Variants in ROR1 observed in about 807,000 individuals in gnomAD.
ROR1 encodes ROR family WNT receptor 1, also known as inactive tyrosine-protein kinase transmembrane receptor ROR1.
Under a neutral mutation model 78.8 loss-of-function variants are expected in ROR1, and 19 were observed. The ratio of observed to expected loss-of-function variants is 0.24; its 90% CI spans 0.17 to 0.35. The LOEUF (loss-of-function observed/expected upper bound fraction) is 0.35, where lower values mean the gene tolerates loss of function less well. Among genes scored for constraint, ROR1 ranks in the 10% least tolerant of loss-of-function variants. The pLI, the probability that ROR1 is intolerant of heterozygous loss-of-function variation, is 1.00. For missense variants in ROR1, 917 were observed against 1,177.8 expected, an observed-to-expected ratio of 0.78 and a Z score of 3.24; for synonymous variants, 386 against 433.6, an observed-to-expected ratio of 0.89 and a Z score of 1.36.
chr1:63,947,695 A>T (rs1399237151), intron 1 of ROR1, among the ~76,000 whole-genome samples: 1 of 152,182 alleles, frequency 6.6e-6, no homozygotes, highest in African/African-American at 2.4e-5. Flanking sequence ...GGCTAAAGCA[A>T]GAAGATTTAT....
chr1:63,779,786 C>A (rs1395252143), intron 1 of ROR1, among the ~76,000 whole-genome samples: 1 of 152,104 alleles, frequency 6.6e-6, no homozygotes, highest in Non-Finnish European at 1.5e-5. Flanking sequence ...GATGCTACCA[C>A]CATCTGAACT....
intron 1 of ROR1, among the ~76,000 whole-genome samples, chr1:63,787,232 G>T (rs1251056537): frequency 1.3e-5 from 2 of 152,156 alleles, no homozygotes; most frequent in African/African-American, 4.8e-5. Context: ...CAGCCTGTCA[G>T]TCCTTCTTTT....
intron 1 of ROR1, among the ~76,000 whole-genome samples, chr1:63,986,736 A>T (rs771190283): frequency 1.1e-4 from 16 of 151,166 alleles, no homozygotes; most frequent in African/African-American, 2.2e-4. Flanking sequence ...TACACAGAAA[A>T]TTTTTTTTTA....
intron 1 of ROR1, among the ~76,000 whole-genome samples, chr1:63,986,907 A>T (rs1646257630): frequency 6.6e-6 from 1 of 152,084 alleles, no homozygotes. Flanking sequence ...AAAAAAAGAA[A>T]AAAGGAAAGA....
At chr1:63,870,284 A>G (rs1279440824) in intron 1 of ROR1, among the ~76,000 whole-genome samples, 1 of 152,142 alleles carries the variant, frequency 6.6e-6, no homozygotes, top group African/African-American at 2.4e-5. Context: ...ATCCTTAGAG[A>G]GCCCATAATT....
At chr1:64,055,853 G>A (rs1183665841) in intron 4 of ROR1, among the ~76,000 whole-genome samples, 1 of 152,136 alleles carries the variant, frequency 6.6e-6, no homozygotes, top group Admixed American at 6.5e-5. Context: ...ACTTCTCCCA[G>A]CTATAGTAGC....
intron 8 of ROR1, among the ~76,000 whole-genome samples, chr1:64,160,707 C>T (rs929721016): frequency 1.2e-4 from 19 of 152,150 alleles, no homozygotes; most frequent in African/African-American, 4.3e-4. Context: ...ACCTAGTTGA[C>T]CTGGCAGATA....
chr1:64,031,323 C>T (rs956697804), intron 2 of ROR1, among the ~76,000 whole-genome samples: 1 of 152,172 alleles, frequency 6.6e-6, no homozygotes, highest in African/African-American at 2.4e-5. Context: ...GAGTTGTCCA[C>T]GACTGTAGAA....
intron 1 of ROR1, among the ~76,000 whole-genome samples, chr1:63,977,837 C>T (rs1646174102): frequency 6.6e-6 from 1 of 152,214 alleles, no homozygotes; most frequent in South Asian, 2.1e-4. Flanking sequence ...ATAGTGGTGG[C>T]ATGCACATCT....
intron 1 of ROR1, among the ~76,000 whole-genome samples, chr1:63,790,200 T>C (rs1434265243): frequency 6.6e-6 from 1 of 152,238 alleles, no homozygotes; most frequent in Non-Finnish European, 1.5e-5. Flanking sequence ...GGTTGGATGC[T>C]CCTTACAGTA....
chr1:64,127,942 T>A (rs1487161667), intron 4 of ROR1, among the ~76,000 whole-genome samples: 1 of 152,078 alleles, frequency 6.6e-6, no homozygotes, highest in Non-Finnish European at 1.5e-5. Context: ...CCACCTTAGA[T>A]GGCCTTTTGC....
chr1:63,962,123 G>C (rs1412370332), intron 1 of ROR1, among the ~76,000 whole-genome samples: 6 of 152,134 alleles, frequency 3.9e-5, no homozygotes, highest in Non-Finnish European at 7.4e-5. Flanking sequence ...ATCTGGGCAT[G>C]TTAGGGTGCA....
At chr1:63,969,402 T>C (rs1254530335) in intron 1 of ROR1, among the ~76,000 whole-genome samples, 2 of 152,180 alleles carry the variant, frequency 1.3e-5, no homozygotes, top group African/African-American at 4.8e-5. Flanking sequence ...TTGCAGATAC[T>C]GCTTACTGAG....
At chr1:64,005,286 C>T (rs285389) in intron 1 of ROR1, among the ~76,000 whole-genome samples, 99,194 of 152,110 alleles carry the variant, frequency 0.65, 37,213 homozygotes, top group East Asian at 0.94. Flanking sequence ...TTAATCATTA[C>T]CTCAGTCCTT....
chr1:64,177,493 T>C lies in ROR1; in HGVS notation c.1452T>C (p.Phe484=). ...TGGAAGAATTGGGTGAGTGTGCCTT[T>C]GGAAAAATCTATAAAGGCCATCTCT... is the stretch of plus-strand genomic sequence containing the variant. ...RFMEELGECA[F]GKIYKGHLYL... The change falls in exon 9 of 9, where the codon TTT becomes TTC. Residue 484 remains phenylalanine, a synonymous_variant. Coordinates refer to ENST00000371079, the MANE Select transcript of ROR1 (RefSeq NM_005012.4). The C allele has an allele frequency of 6.2e-7, 1 of 1,614,190 alleles. No individual in the cohort carries two copies. The highest frequency in any genetic ancestry group is 2.2e-5 in the East Asian group (1 of 44,872).
chr1:64,168,532 C>G (rs1650149411), intron 8 of ROR1, among the ~76,000 whole-genome samples: 1 of 152,048 alleles, frequency 6.6e-6, no homozygotes, highest in African/African-American at 2.4e-5. Flanking sequence ...TATGTATATT[C>G]TTCAGTATAT....
intron 4 of ROR1, among the ~76,000 whole-genome samples, chr1:64,129,276 C>A (rs2100696906): frequency 6.6e-6 from 1 of 152,262 alleles, no homozygotes; most frequent in East Asian, 1.9e-4. Flanking sequence ...ATTTACCACT[C>A]TTTCCACAAA....
intron 1 of ROR1, among the ~76,000 whole-genome samples, chr1:63,907,515 A>G (rs1645538544): frequency 6.6e-6 from 1 of 152,324 alleles, no homozygotes; most frequent in South Asian, 2.1e-4. Flanking sequence ...CAAACCAGAT[A>G]TGTGACATTG....
At chr1:64,155,755 C>T (rs994849149) in intron 7 of ROR1, among the ~76,000 whole-genome samples, 3 of 152,162 alleles carry the variant, frequency 2.0e-5, no homozygotes, top group African/African-American at 7.2e-5. Flanking sequence ...CTAAATTAGC[C>T]TCATCGCTTT....
Sources: gnomAD v4.1 joint callset for allele counts (sites outside exome capture counted in the v4.1 genomes callset) on GRCh38, gnomAD v4.1.1 for gene constraint, MANE v1.5 for transcripts, NCBI Gene and HGNC (gene_info 2026-07-23, HGNC 2026-07-21) for gene names.